TTC28: variants seen among roughly 807,000 people sequenced by gnomAD.
The protein encoded by TTC28 is tetratricopeptide repeat protein 28.
In TTC28, 61 loss-of-function variants were observed where a neutral mutation model predicts 198.0. The ratio of observed to expected loss-of-function variants is 0.31; its 90% CI spans 0.25 to 0.38. The LOEUF (loss-of-function observed/expected upper bound fraction) is 0.38. TTC28 is among the 10% of genes least tolerant of loss of function. TTC28 has a pLI of 1.00. For synonymous variants in TTC28, 1,171 were observed against 1,297.8 expected, an observed-to-expected ratio of 0.90 and a Z score of 2.10; for missense variants, 2,678 against 3,164.0, an observed-to-expected ratio of 0.85 and a Z score of 3.69.
chr22:28,325,624 G>A (rs971842378), intron 2 of TTC28, among the ~76,000 whole-genome samples: 1 of 151,954 alleles, frequency 6.6e-6, no homozygotes, highest in African/African-American at 2.4e-5. Flanking sequence ...TATATACAAA[G>A]AATTGTGAAA....
At chr22:28,030,135 C>T (rs947004177) in intron 13 of TTC28, 91 bp downstream of exon 13, 81 of 1,487,132 alleles carry the variant, frequency 5.4e-5, no homozygotes, top group Non-Finnish European at 7.1e-5. Context: ...AGAAGCCTAA[C>T]CAGCTGGAAG....
At chr22:28,454,134 A>T (rs1274253094) in intron 2 of TTC28, among the ~76,000 whole-genome samples, 1 of 152,132 alleles carries the variant, frequency 6.6e-6, no homozygotes, top group Non-Finnish European at 1.5e-5. Flanking sequence ...CCCTGACCAA[A>T]ATTAACCCGC....
intron 1 of TTC28, among the ~76,000 whole-genome samples, chr22:28,672,552 G>A (rs958234836): frequency 9.2e-5 from 14 of 151,862 alleles, no homozygotes; most frequent in African/African-American, 3.4e-4. Context: ...CACCCGTCTC[G>A]GCCTCCTAAA....
At chr22:28,487,198 T>C (rs2048323460) in intron 2 of TTC28, among the ~76,000 whole-genome samples, 1 of 152,028 alleles carries the variant, frequency 6.6e-6, no homozygotes, top group African/African-American at 2.4e-5. Context: ...TTATAGCACA[T>C]GGGACTTTTT....
At chr22:28,126,490 A>T (rs1204061023) in intron 6 of TTC28, among the ~76,000 whole-genome samples, 2 of 152,224 alleles carry the variant, frequency 1.3e-5, no homozygotes, top group African/African-American at 4.8e-5. Context: ...GTACTTCCAC[A>T]GAAATGTCAG....
At chr22:28,052,226 G>A (rs1485126653) in intron 12 of TTC28, among the ~76,000 whole-genome samples, 1 of 152,130 alleles carries the variant, frequency 6.6e-6, no homozygotes, top group Non-Finnish European at 1.5e-5. Flanking sequence ...TCAGAATGTG[G>A]TGCATTCTGT....
chr22:28,442,225 G>A (rs974981902), intron 2 of TTC28, among the ~76,000 whole-genome samples: 2 of 152,120 alleles, frequency 1.3e-5, no homozygotes, highest in African/African-American at 4.8e-5. Flanking sequence ...ACACGCTGGT[G>A]CACGCTGACA....
chr22:28,460,664 T>C (rs111259558), intron 2 of TTC28, among the ~76,000 whole-genome samples: 3,845 of 107,980 alleles, frequency 0.036, 144 homozygotes, highest in African/African-American at 0.095. Context: ...GATAGATAGA[T>C]AGACAGACAG....
intron 5 of TTC28, among the ~76,000 whole-genome samples, chr22:28,193,353 T>C (rs1197609189): frequency 6.6e-6 from 1 of 152,120 alleles, no homozygotes; most frequent in Non-Finnish European, 1.5e-5. Flanking sequence ...TAAAGACCAT[T>C]GATGCTAGGA....
At chr22:28,134,033 A>G (rs993965316) in intron 6 of TTC28, among the ~76,000 whole-genome samples, 1 of 152,226 alleles carries the variant, frequency 6.6e-6, no homozygotes, top group African/African-American at 2.4e-5. Context: ...ACGATCAGGC[A>G]GCAACATTTG....
chr22:28,476,023 T>C (rs935948649), intron 2 of TTC28, among the ~76,000 whole-genome samples: 3 of 152,166 alleles, frequency 2.0e-5, no homozygotes, highest in Non-Finnish European at 2.9e-5. Flanking sequence ...TTTTAAACAG[T>C]ATAATCTTTT....
At chr22:28,088,364 C>A (rs1941694721) in intron 12 of TTC28, among the ~76,000 whole-genome samples, 1 of 152,112 alleles carries the variant, frequency 6.6e-6, no homozygotes, top group Admixed American at 6.6e-5. Flanking sequence ...CGCCGCATAT[C>A]TACAACTATC....
Position 28,094,078 on chromosome 22 carries a change from A to G in TTC28, c.3932+2T>C. The G allele has an allele frequency of 6.5e-7, 1 of 1,539,526 alleles. No individual in the cohort carries two copies. The highest frequency in any genetic ancestry group is 8.7e-7 in the Non-Finnish European group (1 of 1,143,402). On this transcript the variant is annotated splice_donor_variant, in intron 12 of 22. Coordinates refer to ENST00000397906, the MANE Select transcript of TTC28 (RefSeq NM_001145418.2). LOFTEE classifies it high-confidence loss of function. ...TGGACTTGGGGATGTTTTACTACCT[A>G]CCTTGAGTAGTGAGACTCCACCCCC...
chr22:28,227,530 C>T (rs1483177799), intron 5 of TTC28, among the ~76,000 whole-genome samples: 1 of 152,162 alleles, frequency 6.6e-6, no homozygotes, highest in Non-Finnish European at 1.5e-5. Context: ...AGAACTCCTA[C>T]AACCCAATTC....
rs554337775 is a variant in TTC28 at position 28,211,100 on chromosome 22, C to G, written c.934-47501G>C. Among the ~76,000 whole-genome samples, 178 of 152,196 alleles carry G rather than the reference C, an allele frequency of 1.2e-3. 1 individual carries two copies. Among genetic ancestry groups the G allele is most frequent in the African/African-American group, 3.6e-3 (151 of 41,524 alleles). ...CAAATGCTGAGAGATTTTGTCACCA[C>G]CAGGCCTGCCCTAAAAGAGCTCCTG... On this transcript the variant is annotated intron_variant, in intron 5 of 22. Transcript: ENST00000397906.
At chr22:28,266,142 T>TA (rs1931669205) in intron 5 of TTC28, among the ~76,000 whole-genome samples, 1 of 148,804 alleles carries the variant, frequency 6.7e-6, no homozygotes, top group Admixed American at 6.8e-5. Context: ...ATCACACCAC[T>TA]ACACTCCAGC....
At chr22:28,407,683 A>C (rs975627303) in intron 2 of TTC28, among the ~76,000 whole-genome samples, 15 of 152,214 alleles carry the variant, frequency 9.9e-5, no homozygotes, top group Non-Finnish European at 1.3e-4. Flanking sequence ...AAGTGACAAT[A>C]ACATTTAGTC....
At position 28,292,454 on chromosome 22, in the gene TTC28, G is replaced by A. The variant is rs542486885; in HGVS notation, c.933+3744C>T. On this transcript the variant is annotated intron_variant, in intron 5 of 22. Transcript: ENST00000397906. ...CTGCCCACCTCGGCCTCCAACTCCT[G>A]GGCTCAAGTAATCTGCCCACCTTGG... is the stretch of plus-strand genomic sequence containing the variant. Among the ~76,000 whole-genome samples, 3 of 152,134 alleles carry A rather than the reference G, an allele frequency of 2.0e-5. No individual in the cohort carries two copies. In the East Asian group the frequency reaches 5.8e-4, roughly 29 times the overall value.
chr22:28,106,790 C>G (rs1942318828), intron 7 of TTC28, among the ~76,000 whole-genome samples: 1 of 152,168 alleles, frequency 6.6e-6, no homozygotes, highest in Non-Finnish European at 1.5e-5. Context: ...CATTTGGAGT[C>G]ACAGAGCCCT....
Sources: gnomAD v4.1 joint callset for allele counts (sites outside exome capture counted in the v4.1 genomes callset) on GRCh38, gnomAD v4.1.1 for gene constraint, MANE v1.5 for transcripts, NCBI Gene and HGNC (gene_info 2026-07-23, HGNC 2026-07-21) for gene names.